MCC: variants seen among roughly 807,000 people sequenced by gnomAD.
MCC encodes the protein MCC regulator of Wnt signaling pathway.
Under a neutral mutation model 116.2 loss-of-function variants are expected in MCC, and 90 were observed. The ratio of observed to expected loss-of-function variants is 0.77; its 90% CI spans 0.65 to 0.92. The LOEUF (loss-of-function observed/expected upper bound fraction) is 0.92, where lower values mean the gene tolerates loss of function less well. Among genes scored for constraint, MCC ranks in the 40% least tolerant of loss-of-function variants. The pLI is 0.00. For missense variants in MCC, 1,516 were observed against 1,312.2 expected, an observed-to-expected ratio of 1.16 and a Z score of -2.40; for synonymous variants, 578 against 510.5, an observed-to-expected ratio of 1.13 and a Z score of -1.78.
intron 3 of MCC, among the ~76,000 whole-genome samples, chr5:113,328,762 C>T (rs191043658): frequency 1.0e-3 from 159 of 152,274 alleles, no homozygotes; most frequent in African/African-American, 3.7e-3. Context: ...AAGTGAAAAT[C>T]CAGTCAGTGT....
At chr5:113,043,229 T>TTA (rs1390077137) in intron 17 of MCC, among the ~76,000 whole-genome samples, 1 of 152,230 alleles carries the variant, frequency 6.6e-6, no homozygotes, top group African/African-American at 2.4e-5. Flanking sequence ...TTCACCTCAC[T>TTA]AGTTAACACT....
chr5:113,462,814 C>A (rs1354757091), intron 1 of MCC, among the ~76,000 whole-genome samples: 1 of 152,120 alleles, frequency 6.6e-6, no homozygotes, highest in African/African-American at 2.4e-5. Flanking sequence ...AACAATGTGC[C>A]AGGTTACTGT....
chr5:113,289,850 C>T (rs1374568315), intron 3 of MCC, among the ~76,000 whole-genome samples: 1 of 152,214 alleles, frequency 6.6e-6, no homozygotes, highest in Non-Finnish European at 1.5e-5. Context: ...TTGGATTCTG[C>T]ACCAGGTCTT....
chr5:113,263,702 G>A (rs142795253), intron 3 of MCC, among the ~76,000 whole-genome samples: 278 of 152,170 alleles, frequency 1.8e-3, no homozygotes, highest in African/African-American at 4.2e-3. Flanking sequence ...GAATCCACTC[G>A]GAAAAGTAAA....
At chr5:113,167,653 G>C (rs947530500) in intron 3 of MCC, among the ~76,000 whole-genome samples, 1 of 151,946 alleles carries the variant, frequency 6.6e-6, no homozygotes. Context: ...TTATTTTTGA[G>C]ACAGGGTCTC....
At chr5:113,258,180 C>CA (rs1440228540) in intron 3 of MCC, among the ~76,000 whole-genome samples, 4 of 152,076 alleles carry the variant, frequency 2.6e-5, no homozygotes, top group African/African-American at 9.7e-5. Context: ...ATTAAAAAAC[C>CA]AAAGTACAAT....
At chr5:113,457,165 C>G (rs900999477) in intron 1 of MCC, among the ~76,000 whole-genome samples, 6 of 152,192 alleles carry the variant, frequency 3.9e-5, no homozygotes, top group African/African-American at 1.4e-4. Context: ...GAGCGGGAAC[C>G]GGGGCTGCCT....
At position 113,143,497 on chromosome 5, in the gene MCC, G is replaced by A. The variant is rs1759312917; in HGVS notation, c.742-137C>T. ...CAAATAAAATGTATGTCAGCTCATC[G>A]GCTGGCAATCCCAGGAAACATATCA... On this transcript the variant is annotated intron_variant, in intron 4 of 18. Transcript: ENST00000408903. 6 of 880,440 alleles carry A rather than the reference G, an allele frequency of 6.8e-6. No individual in the cohort carries two copies. In the African/African-American group the frequency reaches 6.9e-5, roughly 10 times the overall value. 54.5% of individuals were successfully genotyped at this position (880,440 alleles called of 1,614,324 possible).
intron 17 of MCC, among the ~76,000 whole-genome samples, chr5:113,036,554 T>C (rs931813826): frequency 6.6e-6 from 1 of 152,234 alleles, no homozygotes; most frequent in African/African-American, 2.4e-5. Flanking sequence ...TCTGCAGGTA[T>C]GTCGGTGGCT....
chr5:113,119,891 G>A (rs188035580), intron 6 of MCC, among the ~76,000 whole-genome samples: 8 of 152,338 alleles, frequency 5.3e-5, no homozygotes, highest in Admixed American at 3.9e-4. Context: ...CCATGGCGCA[G>A]ATAGGTGGAC....
chr5:113,438,683 G>A (rs183079203), intron 1 of MCC, among the ~76,000 whole-genome samples: 343 of 152,046 alleles, frequency 2.3e-3, no homozygotes, highest in Non-Finnish European at 3.6e-3. Context: ...TATCCCAGAC[G>A]GGATCCTGTA....
chr5:113,289,576 C>A (rs1387823931), intron 3 of MCC, among the ~76,000 whole-genome samples: 2 of 152,066 alleles, frequency 1.3e-5, no homozygotes, highest in East Asian at 1.9e-4. Context: ...AGAACAGGCA[C>A]CTTTACCTCC....
At chr5:113,112,582 C>G (rs377435177) in intron 6 of MCC, among the ~76,000 whole-genome samples, 1 of 152,188 alleles carries the variant, frequency 6.6e-6, no homozygotes, top group Non-Finnish European at 1.5e-5. Flanking sequence ...TACCCAATCT[C>G]AGGTAGTTCT....
chr5:113,362,939 C>G (rs1378789931), intron 2 of MCC, among the ~76,000 whole-genome samples: 8 of 152,088 alleles, frequency 5.3e-5, no homozygotes, highest in African/African-American at 1.9e-4. Flanking sequence ...ATGTTAAAAA[C>G]TTCCTGACTA....
chr5:113,417,342 C>T lies in MCC; in HGVS notation c.171-32130G>A, dbSNP rs553969996. On this transcript the variant is annotated intron_variant, in intron 1 of 18. Coordinates refer to ENST00000408903, the MANE Select transcript of MCC (RefSeq NM_001085377.2). Reference sequence around the variant, plus strand: ...CTACAATTGTTTTAAAATCTACAGGCATTTTAGGAAAAGTCCCATACTTCA... The same window carrying T: ...CTACAATTGTTTTAAAATCTACAGGTATTTTAGGAAAAGTCCCATACTTCA... 2.6e-5 allele frequency among the ~76,000 whole-genome samples: 4 copies of T among 152,292 alleles called. No homozygotes were observed. The East Asian group carries it at 5.8e-4, about 22-fold the overall frequency.
At chr5:113,192,351 C>A (rs1454407707) in intron 3 of MCC, among the ~76,000 whole-genome samples, 1 of 152,230 alleles carries the variant, frequency 6.6e-6, no homozygotes, top group Non-Finnish European at 1.5e-5. Flanking sequence ...CGTTGATAAA[C>A]TGTGAAACAC....
At chr5:113,340,286 A>T (rs1767977601) in intron 3 of MCC, among the ~76,000 whole-genome samples, 1 of 152,242 alleles carries the variant, frequency 6.6e-6, no homozygotes, top group African/African-American at 2.4e-5. Context: ...TGCAAGTTAC[A>T]GCCTTAATCA....
At chr5:113,177,361 A>T (rs151181365) in intron 3 of MCC, among the ~76,000 whole-genome samples, 73 of 152,350 alleles carry the variant, frequency 4.8e-4, no homozygotes, top group African/African-American at 1.7e-3. Flanking sequence ...TTCCTCTAAC[A>T]TGGGAACTAT....
intron 11 of MCC, among the ~76,000 whole-genome samples, chr5:113,073,102 T>A (rs148032179): frequency 6.6e-6 from 1 of 151,280 alleles, no homozygotes; most frequent in Non-Finnish European, 1.5e-5. Flanking sequence ...TTTCAGTTCA[T>A]CAGCTGTCAT....
Sources: allele counts gnomAD v4.1 joint callset (sites outside exome capture counted in the v4.1 genomes callset), GRCh38; gene constraint gnomAD v4.1.1; transcripts MANE v1.5; gene names NCBI Gene and HGNC (gene_info 2026-07-23, HGNC 2026-07-21).